The following GRID1 variants were observed in gnomAD, a reference collection of about 807,000 sequenced individuals.
GRID1 encodes glutamate receptor ionotropic, delta-1.
In GRID1, 28 loss-of-function variants were observed where a neutral mutation model predicts 98.0. The observed-to-expected ratio is 0.29, with a 90% confidence interval of 0.21 to 0.39. The LOEUF (loss-of-function observed/expected upper bound fraction) is 0.39. GRID1 is among the 10% of genes least tolerant of loss of function. GRID1 has a pLI of 1.00. For synonymous variants in GRID1, 553 were observed against 538.5 expected (o/e 1.03, Z -0.37); for missense variants, 1,111 against 1,340.5 (o/e 0.83, Z 2.67).
At chr10:86,070,497 T>C in intron 4 of GRID1, among the ~76,000 whole-genome samples, 1 of 152,224 alleles carries the variant, frequency 6.6e-6, no homozygotes, top group East Asian at 1.9e-4. Flanking sequence ...AGATGCCTTT[T>C]CCTGACATCC....
At position 85,916,037 on chromosome 10, in the gene GRID1, C is replaced by T; in HGVS notation, c.780+149G>A. The T allele has an allele frequency of 1.5e-6, 1 of 651,362 alleles. No individual in the cohort carries two copies. The highest frequency in any genetic ancestry group is 2.7e-6 in the Non-Finnish European group (1 of 367,940). The allele number at this position is 651,362 out of a possible 1,614,324, so 40.3% of individuals were successfully genotyped here. The stretch of plus-strand genomic sequence containing the variant: ...GAGCACCCTGCTAGGTCAAGTTCAA[C>T]TCTTTGAGTTTTTGCCTGGGCTAGG... On this transcript the variant is annotated intron_variant, in intron 5 of 15. Coordinates refer to ENST00000327946, the MANE Select transcript of GRID1 (RefSeq NM_017551.3). The surrounding 1 kb of genome is among the most constrained non-coding windows in gnomAD (Gnocchi z 4.0).
At position 86,278,794 on chromosome 10, in the gene GRID1, T is replaced by C. The variant is rs192333199; in HGVS notation, c.236-72146A>G. Among the ~76,000 whole-genome samples, 192 of 152,288 alleles carry C rather than the reference T, an allele frequency of 1.3e-3. 1 individual carries two copies. The highest frequency in any genetic ancestry group is 4.1e-3 in the African/African-American group (171 of 41,552). On this transcript the variant is annotated intron_variant, in intron 2 of 15. Coordinates refer to ENST00000327946, the MANE Select transcript of GRID1 (RefSeq NM_017551.3). ...ATTTGAAGTTAAGAACTATCCAACA[T>C]GGAAAACTCTAGGCCCTGATGGCCT...
intron 14 of GRID1, among the ~76,000 whole-genome samples, chr10:85,619,216 C>T (rs1366069892): frequency 6.6e-6 from 1 of 152,220 alleles, no homozygotes; most frequent in Non-Finnish European, 1.5e-5. Context: ...ACTGAACTAC[C>T]CATGCCCCAC....
At chr10:85,883,534 C>G (rs539359389) in intron 5 of GRID1, among the ~76,000 whole-genome samples, 13 of 133,012 alleles carry the variant, frequency 9.8e-5, no homozygotes, top group South Asian at 2.4e-4. Flanking sequence ...CTCTCTGTCT[C>G]TCTCTCTCTC....
intron 4 of GRID1, among the ~76,000 whole-genome samples, chr10:86,108,467 C>A (rs1844427244): frequency 6.6e-6 from 1 of 152,162 alleles, no homozygotes; most frequent in African/African-American, 2.4e-5. Context: ...TCCTCTGGGA[C>A]TGGAAACTTC....
At chr10:85,823,822 G>A (rs911745075) in intron 8 of GRID1, among the ~76,000 whole-genome samples, 21 of 152,114 alleles carry the variant, frequency 1.4e-4, no homozygotes, top group African/African-American at 5.1e-4. Flanking sequence ...ACCTTTTAAA[G>A]TTATAAAAGA....
intron 4 of GRID1, among the ~76,000 whole-genome samples, chr10:85,959,982 A>G (rs968880519): frequency 1.3e-5 from 2 of 152,018 alleles, no homozygotes; most frequent in Non-Finnish European, 2.9e-5. Context: ...TCTGGGTTCA[A>G]GTGATTCTTG....
rs576976450 is a variant in GRID1 at position 86,341,327 on chromosome 10, C to T, written c.235+22614G>A. Among the ~76,000 whole-genome samples, 21 of 152,208 alleles carry T rather than the reference C, an allele frequency of 1.4e-4. No homozygotes were observed. The South Asian group carries it at 4.4e-3, about 32-fold the overall frequency. Reference sequence around the variant, plus strand: ...CTGGATGCCCCAGAGCCTGCACTGCCCACTAAACAGTCCCGGAGGATGGAG... The same window carrying T: ...CTGGATGCCCCAGAGCCTGCACTGCTCACTAAACAGTCCCGGAGGATGGAG... On this transcript the variant is annotated intron_variant, in intron 2 of 15. Coordinates refer to ENST00000327946, the MANE Select transcript of GRID1 (RefSeq NM_017551.3).
intron 8 of GRID1, among the ~76,000 whole-genome samples, chr10:85,740,637 G>C (rs1232943192): frequency 6.6e-6 from 1 of 152,062 alleles, no homozygotes; most frequent in Non-Finnish European, 1.5e-5. Context: ...GGAAGTACAA[G>C]GTAGTTATAA....
rs538754743 is a variant in GRID1, at chr10:86,358,167, T to A, written c.235+5774A>T. On this transcript the variant is annotated intron_variant, in intron 2 of 15. Transcript: ENST00000327946. ...GGCTTACAGTGTGATGCTTCCAGGG[T>A]GAGCTTTGTAGAAACAGAAAGGAAA... Among the ~76,000 whole-genome samples the A allele has an allele frequency of 1.8e-4, 28 of 152,046 alleles. No individual in the cohort carries two copies. In the South Asian group the frequency reaches 5.6e-3, roughly 31 times the overall value.
intron 12 of GRID1, among the ~76,000 whole-genome samples, chr10:85,658,222 C>G (rs1840925339): frequency 6.6e-6 from 1 of 152,166 alleles, no homozygotes; most frequent in South Asian, 2.1e-4. Flanking sequence ...ATCTTTCCTT[C>G]CCTCTTCTCC....
At chr10:85,935,518 T>C (rs899243890) in intron 4 of GRID1, among the ~76,000 whole-genome samples, 1 of 152,144 alleles carries the variant, frequency 6.6e-6, no homozygotes, top group African/African-American at 2.4e-5. Context: ...AGCTGGGACA[T>C]GGGAGCTGCT....
At chr10:86,187,550 A>T (rs1229880624) in intron 3 of GRID1, among the ~76,000 whole-genome samples, 1 of 152,186 alleles carries the variant, frequency 6.6e-6, no homozygotes, top group Non-Finnish European at 1.5e-5. Context: ...ACTGAACGAG[A>T]CCAGGAAATG....
chr10:86,080,510 G>A (rs1226712704), intron 4 of GRID1, among the ~76,000 whole-genome samples: 2 of 147,832 alleles, frequency 1.4e-5, no homozygotes, highest in Admixed American at 6.9e-5. Context: ...AAGGGGAAAG[G>A]AGAAAGAAAG....
intron 2 of GRID1, among the ~76,000 whole-genome samples, chr10:86,321,450 T>C (rs1486016874): frequency 6.6e-6 from 1 of 152,204 alleles, no homozygotes; most frequent in Non-Finnish European, 1.5e-5. Flanking sequence ...AATGGGGTTC[T>C]TTCCTGCAGG....
At chr10:85,698,124 T>C (rs988970919) in intron 12 of GRID1, among the ~76,000 whole-genome samples, 4 of 152,020 alleles carry the variant, frequency 2.6e-5, no homozygotes, top group Admixed American at 6.6e-5. Context: ...CCACCGAAAA[T>C]ATCAAATTTA....
intron 12 of GRID1, among the ~76,000 whole-genome samples, chr10:85,682,275 A>T (rs1841218995): frequency 6.6e-6 from 1 of 152,196 alleles, no homozygotes; most frequent in Admixed American, 6.5e-5. Flanking sequence ...ATGGAAAAAA[A>T]TGCAATCCCC....
chr10:85,828,955 C>G (rs1227388435), intron 8 of GRID1, among the ~76,000 whole-genome samples: 1 of 152,082 alleles, frequency 6.6e-6, no homozygotes, highest in Non-Finnish European at 1.5e-5. Context: ...CTAACTTATT[C>G]TATGAGGCTG....
intron 8 of GRID1, among the ~76,000 whole-genome samples, chr10:85,741,892 T>G (rs1841946973): frequency 6.6e-6 from 1 of 152,118 alleles, no homozygotes. Context: ...AGGAACTTTG[T>G]GTATATCCTT....
Sources: gnomAD v4.1 joint callset for allele counts (sites outside exome capture counted in the v4.1 genomes callset) on GRCh38, gnomAD v4.1.1 for gene constraint, Gnocchi (gnomAD v3.1) non-coding constraint, MANE v1.5 for transcripts, NCBI Gene and HGNC (gene_info 2026-07-23, HGNC 2026-07-21) for gene names.